CFAP46: variants seen among roughly 807,000 people sequenced by gnomAD.
CFAP46 encodes the protein cilia and flagella associated protein 46.
Under a neutral mutation model 325.7 loss-of-function variants are expected in CFAP46, and 245 were observed. The ratio of observed to expected loss-of-function variants is 0.75; its 90% CI spans 0.68 to 0.84. The LOEUF (loss-of-function observed/expected upper bound fraction) is 0.84, where lower values mean the gene tolerates loss of function less well. Ranked by LOEUF, CFAP46 falls within the 40% of genes least tolerant of loss-of-function variation. CFAP46 has a pLI of 0.00. For synonymous variants in CFAP46, 1,523 were observed against 1,495.9 expected (o/e 1.02, Z -0.42); for missense variants, 3,346 against 3,543.0 (o/e 0.94, Z 1.41).
intron 56 of CFAP46, 171 bp downstream of exon 56, chr10:132,810,779 C>A: frequency 1.3e-6 from 1 of 754,332 alleles, no homozygotes; most frequent in South Asian, 1.5e-5. Flanking sequence ...CCGCCCCCCT[C>A]CCCATGCACA....
At chr10:132,897,496 G>C (rs1402945752) in intron 24 of CFAP46, among the ~76,000 whole-genome samples, 1 of 152,246 alleles carries the variant, frequency 6.6e-6, no homozygotes, top group Non-Finnish European at 1.5e-5. Flanking sequence ...CGCATATCTA[G>C]GTCAGCCAGG....
rs1849694515 is a variant in CFAP46 at position 132,919,842 on chromosome 10, C to T, written c.1730+217G>A. Among the ~76,000 whole-genome samples the T allele has an allele frequency of 6.6e-6, 1 of 152,134 alleles. No individual in the cohort carries two copies. The highest frequency in any genetic ancestry group is 1.5e-5 in the Non-Finnish European group (1 of 68,004). Reference sequence around the variant, plus strand: ...TGACAGGCGGGACAGGGCAGCCGCACACCTCATAGGCCGTGGCTGTCATCA... The same window carrying T: ...TGACAGGCGGGACAGGGCAGCCGCATACCTCATAGGCCGTGGCTGTCATCA... On this transcript the variant is annotated intron_variant, in intron 14 of 57. Coordinates refer to ENST00000368586, the MANE Select transcript of CFAP46 (RefSeq NM_001200049.3). The surrounding 1 kb of genome is among the most constrained non-coding windows in gnomAD (Gnocchi z 9.7).
At chr10:132,841,628 T>C (rs544909400) in intron 44 of CFAP46, among the ~76,000 whole-genome samples, 2 of 152,032 alleles carry the variant, frequency 1.3e-5, no homozygotes, top group South Asian at 2.1e-4. Context: ...ATGGCATCCT[T>C]TGAAATCTGG....
rs145364587 is a variant in CFAP46 at position 132,889,160 on chromosome 10, C to T, written c.3304+3173G>A. On this transcript the variant is annotated intron_variant, in intron 25 of 57. Coordinates refer to ENST00000368586, the MANE Select transcript of CFAP46 (RefSeq NM_001200049.3). The surrounding 1 kb of genome is among the most constrained non-coding windows in gnomAD (Gnocchi z 6.0). ...GGCCACAGTGCTGAGGGCTGGAGTC[C>T]GTGTCATCCTGCACCAGCCCCGTCA... is the stretch of plus-strand genomic sequence containing the variant. Among the ~76,000 whole-genome samples the T allele has an allele frequency of 2.1e-3, 324 of 152,336 alleles. 1 individual carries two copies. The highest frequency in any genetic ancestry group is 7.5e-3 in the African/African-American group (310 of 41,578).
intron 24 of CFAP46, among the ~76,000 whole-genome samples, chr10:132,894,391 G>T (rs2135454245): frequency 6.6e-6 from 1 of 152,178 alleles, no homozygotes; most frequent in Middle Eastern, 3.4e-3. Flanking sequence ...TGTAAATGCT[G>T]TATTAAAGAA....
intron 39 of CFAP46, among the ~76,000 whole-genome samples, chr10:132,854,474 A>AT (rs1262188232): frequency 1.3e-5 from 2 of 152,058 alleles, no homozygotes; most frequent in Non-Finnish European, 2.9e-5. Context: ...AGTAGCTGGG[A>AT]TTACAGGCGC....
intron 33 of CFAP46, 113 bp from the exon 34 acceptor site, chr10:132,867,620 C>T (rs934865295): frequency 2.4e-5 from 32 of 1,316,998 alleles, no homozygotes; most frequent in South Asian, 9.1e-5. Context: ...TCTTCACGCG[C>T]GTGTTTACAA....
chr10:132,900,508 T>A (rs1329990150), intron 22 of CFAP46, among the ~76,000 whole-genome samples: 1 of 152,244 alleles, frequency 6.6e-6, no homozygotes, highest in African/African-American at 2.4e-5. Context: ...ACTCCCCTCA[T>A]GGGCCAGGGT....
chr10:132,847,419 A>G lies in CFAP46; in HGVS notation c.5953-98T>C. 2 of 1,463,988 alleles carry G rather than the reference A, an allele frequency of 1.4e-6. No individual in the cohort carries two copies. The allele number at this position is 1,463,988 out of a possible 1,614,324, so 90.7% of individuals were successfully genotyped here. ...GGAGGCCGGGGTGGTCGGGCTCCTCAGCAGGGTCCCCGGGTAGGGGGTACC... is the reference window on the plus strand; with the variant it reads ...GGAGGCCGGGGTGGTCGGGCTCCTCGGCAGGGTCCCCGGGTAGGGGGTACC... On this transcript the variant is annotated intron_variant, in intron 41 of 57. Coordinates refer to ENST00000368586, the MANE Select transcript of CFAP46 (RefSeq NM_001200049.3). This position sits in a 1 kb window ranked among gnomAD's most constrained non-coding sequence, Gnocchi z 5.2.
chr10:132,864,106 C>A (rs1364289287), intron 35 of CFAP46, among the ~76,000 whole-genome samples: 4 of 144,396 alleles, frequency 2.8e-5, no homozygotes, highest in African/African-American at 1.0e-4. Context: ...CCTGCAAACA[C>A]CTCTCCCTTT....
chr10:132,824,502 CT>C (rs1847990233), intron 50 of CFAP46, among the ~76,000 whole-genome samples: 1 of 72,246 alleles, frequency 1.4e-5, no homozygotes, highest in Admixed American at 1.7e-4. Context: ...GTGCTGTGTG[CT>C]GATGTGTGCT....
rs1389147924 is a variant in CFAP46 at position 132,860,612 on chromosome 10, G to A, written c.5092-89C>T. On this transcript the variant is annotated intron_variant, in intron 36 of 57. Coordinates refer to ENST00000368586, the MANE Select transcript of CFAP46 (RefSeq NM_001200049.3). ...AGGACGGGCGGGCAGGGACAGATAC[G>A]GGCCTGAGGACAGGCGGGGGTAGAT... 31 of 1,198,586 alleles carry A rather than the reference G, an allele frequency of 2.6e-5. No homozygotes were observed. In the Middle Eastern group the frequency reaches 5.7e-4, roughly 22 times the overall value. 74.2% of individuals were successfully genotyped at this position (1,198,586 alleles called of 1,614,324 possible).
intron 35 of CFAP46, among the ~76,000 whole-genome samples, chr10:132,862,203 C>G (rs1452128448): frequency 6.6e-6 from 1 of 152,156 alleles, no homozygotes; most frequent in African/African-American, 2.4e-5. Context: ...CAGGGGGCTG[C>G]AGGCCTCTGA....
At chr10:132,835,227 C>T (rs1316153546) in intron 47 of CFAP46, 77 bp downstream of exon 47, 1 of 1,566,880 alleles carries the variant, frequency 6.4e-7, no homozygotes, top group Non-Finnish European at 8.6e-7. Flanking sequence ...CCTCCCCCCA[C>T]CTCGCCAGGG....
chr10:132,876,292 A>G lies in CFAP46; in HGVS notation c.4362+520T>C, dbSNP rs1184474410. On this transcript the variant is annotated intron_variant, in intron 31 of 57. Coordinates refer to ENST00000368586, the MANE Select transcript of CFAP46 (RefSeq NM_001200049.3). The surrounding 1 kb of genome is among the most constrained non-coding windows in gnomAD (Gnocchi z 4.1). ...GCAGCATGGCAGCGTGGCACCAAAC[A>G]CCGCAGGTGGAGATGGTCCAGGTGT... Among the ~76,000 whole-genome samples the G allele has an allele frequency of 2.0e-5, 3 of 152,214 alleles. No individual in the cohort carries two copies. The highest frequency in any genetic ancestry group is 4.4e-5 in the Non-Finnish European group (3 of 68,032).
In CFAP46 at chr10:132,808,559, A is replaced by C; in HGVS notation, c.8010T>G (p.Cys2670Trp). Reference protein sequence around the residue: ...AAWTSSSACLCAPWGLRRGWS... With the variant: ...AAWTSSSACLWAPWGLRRGWS... ...AGCCCCGACGCAGACCCCATGGCGC[A>C]CACAGGCAGGCAGAGCTCGAGGTCC... Residue 2670 changes from cysteine to tryptophan, a missense_variant, in exon 58 of 58, where the codon TGT (cysteine) becomes TGG (tryptophan). Physicochemically the swap from Cys to Trp is radical, Grantham distance 215. Transcript: ENST00000368586. The surrounding 1 kb of genome is among the most constrained non-coding windows in gnomAD (Gnocchi z 6.8). 1 of 1,612,968 alleles carries C rather than the reference A, an allele frequency of 6.2e-7. No individual in the cohort carries two copies. The highest frequency in any genetic ancestry group is 2.2e-5 in the East Asian group (1 of 44,884).
chr10:132,831,576 T>C (rs1330450759), intron 50 of CFAP46, among the ~76,000 whole-genome samples: 1 of 152,244 alleles, frequency 6.6e-6, no homozygotes, highest in Non-Finnish European at 1.5e-5. Context: ...CTTTGGATAC[T>C]AAGAGATAAG....
intron 19 of CFAP46, among the ~76,000 whole-genome samples, chr10:132,912,263 C>T (rs866804345): frequency 3.0e-4 from 34 of 113,384 alleles, no homozygotes; most frequent in African/African-American, 9.5e-4. Flanking sequence ...TCTCTTCCCT[C>T]TCCTCTCTCT....
intron 25 of CFAP46, among the ~76,000 whole-genome samples, chr10:132,890,744 G>GGACT (rs1564791889): frequency 6.6e-6 from 1 of 152,132 alleles, no homozygotes. Flanking sequence ...CTCAGTGGAC[G>GGACT]GACTTGCCGT....
Sources: gnomAD v4.1 joint callset for allele counts (sites outside exome capture counted in the v4.1 genomes callset) on GRCh38, gnomAD v4.1.1 for gene constraint, Gnocchi (gnomAD v3.1) non-coding constraint, MANE v1.5 for transcripts, NCBI Gene and HGNC (gene_info 2026-07-23, HGNC 2026-07-21) for gene names.